GLB1L2: variants seen among roughly 807,000 people sequenced by gnomAD.
GLB1L2 encodes beta-galactosidase-1-like protein 2.
GLB1L2 carries 68 observed loss-of-function variants against 84.1 expected under a neutral mutation model. That is an observed-to-expected ratio of 0.81 (90% confidence interval 0.67 to 0.99). The LOEUF is 0.99. GLB1L2 is among the 50% of genes least tolerant of loss of function. The pLI is 0.00. For missense variants in GLB1L2, 762 were observed against 805.6 expected (o/e 0.95, Z 0.66); for synonymous variants, 290 against 318.0 (o/e 0.91, Z 0.94).
rs1372231425 is a variant in GLB1L2, at chr11:134,375,041, A to T, written c.1894A>T (p.Asn632Tyr). The T allele has an allele frequency of 6.2e-7, 1 of 1,613,732 alleles. No homozygotes were observed. The highest frequency in any genetic ancestry group is 2.2e-5 in the East Asian group (1 of 44,882). Residue 632 changes from asparagine to tyrosine, a missense_variant, in exon 19 of 19, where the codon AAC (asparagine) becomes TAC (tyrosine). Coordinates refer to ENST00000535456, the MANE Select transcript of GLB1L2 (RefSeq NM_001370461.1). The part of the protein sequence containing the change: ...QFTETPHLGR[N>Y]QYIK ...CACGGAAACCCCCCACCTGGGCAGG[A>T]ACCAGTACATTAAGTGAGCGGTGGC...
At position 134,375,347 on chromosome 11, in the gene GLB1L2, A is replaced by G; in HGVS notation, c.*289A>G. ...GTGGGAGCAGCTAATCAGATCGCCCAGCCTTTGGCCCTCAGAAAAAGTGCT... is the reference window on the plus strand; with the variant it reads ...GTGGGAGCAGCTAATCAGATCGCCCGGCCTTTGGCCCTCAGAAAAAGTGCT... On this transcript the variant is annotated 3_prime_UTR_variant, in exon 19 of 19. Transcript: ENST00000535456. The G allele has an allele frequency of 2.7e-6, 1 of 375,852 alleles. No homozygotes were observed. The highest frequency in any genetic ancestry group is 4.8e-6 in the Non-Finnish European group (1 of 210,214). 23.3% of individuals were successfully genotyped at this position (375,852 alleles called of 1,614,324 possible).
intron 6 of GLB1L2, among the ~76,000 whole-genome samples, chr11:134,357,770 C>T (rs1943723727): frequency 6.6e-6 from 1 of 152,232 alleles, no homozygotes; most frequent in Admixed American, 6.5e-5. Context: ...AATTCACCAG[C>T]CTCTCTCTGA....
chr11:134,332,916 A>G (rs1943325006), intron 1 of GLB1L2, among the ~76,000 whole-genome samples: 1 of 152,202 alleles, frequency 6.6e-6, no homozygotes, highest in Non-Finnish European at 1.5e-5. Context: ...CCTATCTTTC[A>G]GGTCAGCACT....
chr11:134,342,682 G>A, intron 1 of GLB1L2, 72 bp from the exon 2 acceptor site: 1 of 1,461,780 alleles, frequency 6.8e-7, no homozygotes, highest in Non-Finnish European at 9.3e-7. Flanking sequence ...CCGAGGACCT[G>A]CGAAGGGGCG....
chr11:134,353,278 C>A (rs577252851), intron 5 of GLB1L2, among the ~76,000 whole-genome samples: 2 of 151,908 alleles, frequency 1.3e-5, no homozygotes, highest in Admixed American at 6.6e-5. Flanking sequence ...GGTGTGGTGA[C>A]GGGCACCTGT....
intron 15 of GLB1L2, 80 bp from the exon 16 acceptor site, chr11:134,373,641 G>C: frequency 1.1e-6 from 1 of 884,408 alleles, no homozygotes; most frequent in Admixed American, 1.9e-5. Flanking sequence ...CAGCTTCCCA[G>C]GGCTTCCCCT....
In GLB1L2 at chr11:134,374,591, T is replaced by C; in HGVS notation, c.1708-11T>C. ...TCGTGGTAGATGAACACCCTTCCCC[T>C]CTGTTTCAAGGGCTGGGAGAAGGGG... On this transcript the variant is annotated splice_polypyrimidine_tract_variant and intron_variant, in intron 17 of 18. Coordinates refer to ENST00000535456, the MANE Select transcript of GLB1L2 (RefSeq NM_001370461.1). 6.2e-7 allele frequency: 1 copy of C among 1,603,930 alleles called. No individual in the cohort carries two copies. Among genetic ancestry groups the C allele is most frequent in the Non-Finnish European group, 8.5e-7 (1 of 1,170,950 alleles).
At chr11:134,341,925 C>T (rs1034596267) in intron 1 of GLB1L2, among the ~76,000 whole-genome samples, 22 of 151,038 alleles carry the variant, frequency 1.5e-4, no homozygotes, top group Non-Finnish European at 2.7e-4. Flanking sequence ...GACGAAGGCA[C>T]AGCCCACACC....
At chr11:134,346,379 T>C (rs994786004) in intron 4 of GLB1L2, 3 of 152,298 alleles carry the variant, frequency 2.0e-5, no homozygotes, top group African/African-American at 7.2e-5. Context: ...GGTTTAACAG[T>C]CTTAACTTAG....
chr11:134,340,730 C>T lies in GLB1L2; in HGVS notation c.87-2024C>T, dbSNP rs189488960. 3.3e-3 allele frequency among the ~76,000 whole-genome samples: 500 copies of T among 152,356 alleles called. 9 individuals are homozygous for T. Among genetic ancestry groups the T allele is most frequent in the Admixed American group, 0.026 (395 of 15,306 alleles). On this transcript the variant is annotated intron_variant, in intron 1 of 18. Transcript: ENST00000535456. ...CAGCTTTGCAGGCCACGCAGTCTAT[C>T]GCAAGTACTCAACTGCAAAAAGCCA... is the stretch of plus-strand genomic sequence containing the variant.
rs1943353122 is a variant in GLB1L2, at chr11:134,334,619, A to G, written c.86+2472A>G. 6.6e-6 allele frequency among the ~76,000 whole-genome samples: 1 copy of G among 151,910 alleles called. No individual in the cohort carries two copies. Among genetic ancestry groups the G allele is most frequent in the South Asian group, 2.1e-4 (1 of 4,814 alleles). ...TTGTGAAAACAGCCACCAGCCCCCAAAGTTTCCATGTACCTCTCTGTCATC... is the reference window on the plus strand; with the variant it reads ...TTGTGAAAACAGCCACCAGCCCCCAGAGTTTCCATGTACCTCTCTGTCATC... On this transcript the variant is annotated intron_variant, in intron 1 of 18. Coordinates refer to ENST00000535456, the MANE Select transcript of GLB1L2 (RefSeq NM_001370461.1). This position sits in a 1 kb window ranked among gnomAD's most constrained non-coding sequence, Gnocchi z 4.1.
chr11:134,372,391 CT>C (rs35436836), intron 15 of GLB1L2: 104,824 of 149,666 alleles, frequency 0.7, 36,854 homozygotes, highest in East Asian at 0.92. Context: ...TTAGCCCTTC[CT>C]TTTTTTTTTT....
intron 1 of GLB1L2, among the ~76,000 whole-genome samples, chr11:134,341,903 A>G (rs899420011): frequency 7.3e-5 from 9 of 123,260 alleles, no homozygotes; most frequent in African/African-American, 2.5e-4. Flanking sequence ...GGCAGGAGCG[A>G]GCGCCGGTGG....
intron 7 of GLB1L2, among the ~76,000 whole-genome samples, chr11:134,362,928 CCTT>C (rs1219137707): frequency 6.6e-6 from 1 of 152,344 alleles, no homozygotes; most frequent in African/African-American, 2.4e-5. Context: ...GTCCCTGTGT[CCTT>C]CTCAGTGTTC....
At chr11:134,355,165 C>A (rs942825714) in intron 5 of GLB1L2, among the ~76,000 whole-genome samples, 17 of 152,022 alleles carry the variant, frequency 1.1e-4, no homozygotes, top group Admixed American at 6.6e-4. Flanking sequence ...ATATTTCAGC[C>A]CCAGAAGTTC....
At chr11:134,355,849 G>GAACAAGTTAGAACATTGTA (rs1167853610) in intron 5 of GLB1L2, among the ~76,000 whole-genome samples, 1 of 152,164 alleles carries the variant, frequency 6.6e-6, no homozygotes, top group East Asian at 1.9e-4. Context: ...AGAACATCGT[G>GAACAAGTTAGAACATTGTA]AACAAGTTAG....
chr11:134,365,616 C>T (rs1204893395), intron 8 of GLB1L2, among the ~76,000 whole-genome samples: 3 of 152,218 alleles, frequency 2.0e-5, no homozygotes, highest in Non-Finnish European at 4.4e-5. Flanking sequence ...GCAGCTGATA[C>T]AGCAGAATGC....
At position 134,370,954 on chromosome 11, in the gene GLB1L2, C is replaced by T. The variant is rs1440645801; in HGVS notation, c.1216-54C>T. On this transcript the variant is annotated intron_variant, in intron 12 of 18. Coordinates refer to ENST00000535456, the MANE Select transcript of GLB1L2 (RefSeq NM_001370461.1). The surrounding 1 kb of genome is among the most constrained non-coding windows in gnomAD (Gnocchi z 4.7). ...GTGCCAGCCCCCAGGCAGAGTCTGT[C>T]TGTGACCCCACTCCTCCTGAGCCTG... The T allele has an allele frequency of 6.2e-7, 1 of 1,604,466 alleles. No homozygotes were observed. Among genetic ancestry groups the T allele is most frequent in the African/African-American group, 1.3e-5 (1 of 74,764 alleles).
chr11:134,352,157 A>G (rs1943643289), intron 5 of GLB1L2, among the ~76,000 whole-genome samples: 1 of 152,042 alleles, frequency 6.6e-6, no homozygotes, highest in Non-Finnish European at 1.5e-5. Flanking sequence ...ATATTTCTTC[A>G]TGATTTAGTT....
Sources: allele counts gnomAD v4.1 joint callset (sites outside exome capture counted in the v4.1 genomes callset), GRCh38; gene constraint gnomAD v4.1.1; non-coding constraint Gnocchi (gnomAD v3.1); transcripts MANE v1.5; gene names NCBI Gene and HGNC (gene_info 2026-07-23, HGNC 2026-07-21).